IL5: variants seen among roughly 807,000 people sequenced by gnomAD.
IL5 encodes the protein interleukin-5.
IL5 carries 12 observed loss-of-function variants against 16.3 expected under a neutral mutation model. The observed-to-expected ratio is 0.74, with a 90% CI of 0.47 to 1.20. The LOEUF (loss-of-function observed/expected upper bound fraction) is 1.20, where lower values mean the gene tolerates loss of function less well. IL5 is among the 50% of genes most tolerant of loss of function. IL5 has a pLI of 0.00. For missense variants in IL5, 159 were observed against 153.9 expected (o/e 1.03, Z -0.17); for synonymous variants, 54 against 56.6 (o/e 0.95, Z 0.21).
intron 1 of IL5, among the ~76,000 whole-genome samples, chr5:132,552,799 G>T (rs555492339): frequency 5.3e-5 from 8 of 152,250 alleles, no homozygotes; most frequent in African/African-American, 1.9e-4. Context: ...GCAGTGGCGT[G>T]ATCTTGGCTC....
upstream of IL5, among the ~76,000 whole-genome samples, chr5:132,544,213 C>T (rs781431930): frequency 2.0e-5 from 3 of 152,222 alleles, no homozygotes; most frequent in Non-Finnish European, 4.4e-5. Flanking sequence ...GATGTCCAGA[C>T]TCCTGGATCT....
rs1749734816 is a variant in IL5 at position 132,543,457 on chromosome 5, T to C, written c.22A>G (p.Ser8Gly). 1.2e-6 allele frequency: 2 copies of C among 1,614,108 alleles called. No homozygotes were observed. The highest frequency in any genetic ancestry group is 1.7e-6 in the Non-Finnish European group (2 of 1,179,990). The change falls in exon 1 of 4, where the codon AGT (serine) becomes GGT (glycine). Residue 8 changes from serine to glycine, a missense_variant. Transcript: ENST00000231454. Reference protein sequence around the residue: MRMLLHLSLLALGAAYVY... With the variant: MRMLLHLGLLALGAAYVY... ...TAGGCAGCTCCAAGAGCTAGCAAAC[T>C]CAAATGCAGAAGCATCCTCATGGCT...
chr5:132,541,934 A>G (rs751339419), intron 3 of IL5, 25 bp from the exon 4 acceptor site: 1 of 1,610,156 alleles, frequency 6.2e-7, no homozygotes, highest in East Asian at 2.2e-5. Flanking sequence ...AAATGACAAT[A>G]GGTATTACAG....
At chr5:132,545,469 A>G (rs116131427), upstream of IL5, among the ~76,000 whole-genome samples, 2,996 of 152,158 alleles carry the variant, frequency 0.02, 77 homozygotes, top group African/African-American at 0.061. Context: ...CCCAGGCAAC[A>G]TAGTGAGACT....
At position 132,541,589 on chromosome 5, in the gene IL5, A is replaced by G. The variant is rs2149822269; in HGVS notation, c.*222T>C. 4 of 439,732 alleles carry G rather than the reference A, an allele frequency of 9.1e-6. No homozygotes were observed. The highest frequency in any genetic ancestry group is 3.8e-5 in the East Asian group (1 of 26,532). The allele number at this position is 439,732 out of a possible 1,614,324, so 27.2% of individuals were successfully genotyped here. A position where few individuals can be genotyped will look rare whatever the true frequency, so the allele number is the denominator to read the frequency against. On this transcript the variant is annotated 3_prime_UTR_variant, in exon 4 of 4. Coordinates refer to ENST00000231454, the MANE Select transcript of IL5 (RefSeq NM_000879.3). ...AGTTAAATAAGAAAAAAGTATATCA[A>G]TTTTGCCTGGAGGAAAATACTTCAA...
upstream of IL5, chr5:132,543,639 T>C (rs575691439): frequency 2.3e-4 from 118 of 513,756 alleles, 2 homozygotes; most frequent in South Asian, 6.5e-3. Context: ...ATGTTTCCAA[T>C]GCCTTATATC....
intron 1 of IL5, among the ~76,000 whole-genome samples, chr5:132,552,101 T>G (rs575070775): frequency 6.6e-6 from 1 of 152,246 alleles, no homozygotes; most frequent in African/African-American, 2.4e-5. Flanking sequence ...AAACCCCGTC[T>G]CTACTAAAAA....
chr5:132,543,511 A>T lies in IL5; in HGVS notation c.-33T>A. On this transcript the variant is annotated 5_prime_UTR_variant, in exon 1 of 4. The change creates a new upstream start codon in the 5' untranslated region. Transcript: ENST00000231454. ...AAACGTTCTGCGTTTGCCTTTGGCA[A>T]AGAAAGTGCATAGTACAAGACTGCG... The T allele has an allele frequency of 1.2e-6, 2 of 1,609,956 alleles. No homozygotes were observed. The highest frequency in any genetic ancestry group is 1.7e-6 in the Non-Finnish European group (2 of 1,178,232).
At chr5:132,543,069 T>G (rs200785840) in intron 2 of IL5, 25 bp downstream of exon 2, 12 of 1,531,346 alleles carry the variant, frequency 7.8e-6, no homozygotes, top group Non-Finnish European at 1.1e-5. Flanking sequence ...ATGCCATCAT[T>G]TTACTGAATC....
rs187686504 is a variant in IL5 at position 132,542,246 on chromosome 5, G to C, written c.178-103C>G. 370 of 613,472 alleles carry C rather than the reference G, an allele frequency of 6.0e-4. 1 individual carries two copies. The highest frequency in any genetic ancestry group is 8.9e-4 in the Non-Finnish European group (322 of 363,266). The allele number at this position is 613,472 out of a possible 1,614,324, so 38.0% of individuals were successfully genotyped here. A position where few individuals can be genotyped will look rare whatever the true frequency, so the allele number is the denominator to read the frequency against. On this transcript the variant is annotated intron_variant, in intron 2 of 3. Coordinates refer to ENST00000231454, the MANE Select transcript of IL5 (RefSeq NM_000879.3). ...TATACATACTTCAAAACATCATATTGTACACAATAAATATATATACTTTTT... is the reference window on the plus strand; with the variant it reads ...TATACATACTTCAAAACATCATATTCTACACAATAAATATATATACTTTTT...
chr5:132,545,226 C>T (rs138159965), upstream of IL5, among the ~76,000 whole-genome samples: 81 of 152,274 alleles, frequency 5.3e-4, no homozygotes, highest in African/African-American at 1.9e-3. Context: ...AATATGAGAG[C>T]GTTCTCTCTG....
At chr5:132,555,655 ATC>A (rs1749967829) in intron 1 of IL5, among the ~76,000 whole-genome samples, 1 of 152,134 alleles carries the variant, frequency 6.6e-6, no homozygotes, top group African/African-American at 2.4e-5. Flanking sequence ...AGCTGGGACC[ATC>A]GGCGCCTGCC....
At chr5:132,550,373 G>C (rs1749864671) in intron 1 of IL5, among the ~76,000 whole-genome samples, 1 of 151,048 alleles carries the variant, frequency 6.6e-6, no homozygotes, top group Non-Finnish European at 1.5e-5. Flanking sequence ...CGCCAGGCTG[G>C]AGTGCAGTGG....
At chr5:132,545,611 T>C (rs992032917), upstream of IL5, among the ~76,000 whole-genome samples, 4 of 151,972 alleles carry the variant, frequency 2.6e-5, no homozygotes, top group Non-Finnish European at 5.9e-5. Context: ...ATGGGCAGGG[T>C]GTAATACATC....
exon 1 of IL5, chr5:132,556,766 T>C: frequency 2.5e-6 from 3 of 1,199,224 alleles, no homozygotes; most frequent in Non-Finnish European, 2.1e-6. Context: ...TCACAGGTCT[T>C]GGTCTCCCCT....
chr5:132,556,753 C>T (rs1480894331), exon 1 of IL5: 3 of 1,210,170 alleles, frequency 2.5e-6, no homozygotes, highest in Admixed American at 4.0e-5. Context: ...GAAGCGCCAT[C>T]CGTCACAGGT....
upstream of IL5, among the ~76,000 whole-genome samples, chr5:132,546,257 C>G (rs1749785153): frequency 6.6e-6 from 1 of 152,100 alleles, no homozygotes; most frequent in Non-Finnish European, 1.5e-5. Context: ...CTCCAGGACT[C>G]TTTTCATCTT....
chr5:132,543,484 T>C lies in IL5; in HGVS notation c.-6A>G. The C allele has an allele frequency of 6.2e-7, 1 of 1,613,658 alleles. No individual in the cohort carries two copies. The highest frequency in any genetic ancestry group is 1.1e-5 in the South Asian group (1 of 90,984). On this transcript the variant is annotated 5_prime_UTR_variant, in exon 1 of 4. Transcript: ENST00000231454. Reference sequence around the variant, plus strand: ...AAATGCAGAAGCATCCTCATGGCTCTGAAACGTTCTGCGTTTGCCTTTGGC... The same window carrying C: ...AAATGCAGAAGCATCCTCATGGCTCCGAAACGTTCTGCGTTTGCCTTTGGC...
chr5:132,543,567 G>A (rs1223665126), upstream of IL5: 2 of 1,334,948 alleles, frequency 1.5e-6, no homozygotes, highest in Non-Finnish European at 2.0e-6. Flanking sequence ...TGTCTTTGAG[G>A]AAATGAATAA....
Sources: gnomAD v4.1 joint callset for allele counts (sites outside exome capture counted in the v4.1 genomes callset) on GRCh38, gnomAD v4.1.1 for gene constraint, MANE v1.5 for transcripts, NCBI Gene and HGNC (gene_info 2026-07-23, HGNC 2026-07-21) for gene names.